MYO3A: variants seen among roughly 807,000 people sequenced by gnomAD.
The protein encoded by MYO3A is myosin-IIIa.
MYO3A carries 180 observed loss-of-function variants against 192.7 expected under a neutral mutation model. The observed-to-expected ratio is 0.93, with a 90% CI of 0.83 to 1.06. The LOEUF (loss-of-function observed/expected upper bound fraction) is 1.06. MYO3A is among the 50% of genes least tolerant of loss of function. MYO3A has a pLI of 0.00. For missense variants in MYO3A, 1,896 were observed against 1,905.0 expected (o/e 1.00, Z 0.09); for synonymous variants, 628 against 645.3 (o/e 0.97, Z 0.41).
intron 2 of MYO3A, among the ~76,000 whole-genome samples, chr10:25,940,859 G>A (rs750593068): frequency 1.1e-4 from 16 of 152,068 alleles, no homozygotes; most frequent in Non-Finnish European, 2.1e-4. Flanking sequence ...TACTGTCTTT[G>A]ATGATGCTGT....
In MYO3A at chr10:26,055,157, C is replaced by A. The variant is rs555002682; in HGVS notation, c.954-11818C>A. 2.0e-4 allele frequency among the ~76,000 whole-genome samples: 30 copies of A among 152,244 alleles called. No individual in the cohort carries two copies. The East Asian group carries it at 4.1e-3, about 21-fold the overall frequency. ...CTTGGCTTTTGGAAACCACTTCTTC[C>A]GCTTGCAGCTTCTGGCCAAGGGTAG... is the stretch of plus-strand genomic sequence containing the variant. On this transcript the variant is annotated intron_variant, in intron 10 of 34. Coordinates refer to ENST00000642920, the MANE Select transcript of MYO3A (RefSeq NM_017433.5).
intron 34 of MYO3A, among the ~76,000 whole-genome samples, chr10:26,209,642 C>G (rs987097947): frequency 6.6e-6 from 1 of 152,200 alleles, no homozygotes; most frequent in Non-Finnish European, 1.5e-5. Context: ...CACTGGCCTT[C>G]AGGACAGCAC....
rs370026628 is a variant in MYO3A at position 26,096,082 on chromosome 10, T to G, written c.1563-299T>G. Among the ~76,000 whole-genome samples the G allele has an allele frequency of 1.7e-3, 255 of 152,318 alleles. 1 individual carries two copies. Among genetic ancestry groups the G allele is most frequent in the African/African-American group, 5.9e-3 (247 of 41,570 alleles). ...CCACTGGCATGTAAACTCCAAGAAG[T>G]TAGGGATTTTTGACAGTTTTGCTCC... On this transcript the variant is annotated intron_variant, in intron 15 of 34. Transcript: ENST00000642920.
At chr10:26,202,188 A>C (rs1236876835) in intron 33 of MYO3A, among the ~76,000 whole-genome samples, 1 of 152,248 alleles carries the variant, frequency 6.6e-6, no homozygotes, top group Non-Finnish European at 1.5e-5. Flanking sequence ...GCTAAGAACA[A>C]ACAAGAGCGT....
chr10:26,075,726 GATATATATGTCTCTCATATATATGAT>G (rs1267838965), intron 14 of MYO3A, among the ~76,000 whole-genome samples: 3 of 128,760 alleles, frequency 2.3e-5, no homozygotes, highest in Admixed American at 7.9e-5. Context: ...ATATATATAT[GATATATATGTCTCTCATATATATGAT>G]ATATATATGT....
chr10:25,950,363 C>T (rs1247525151), intron 2 of MYO3A, among the ~76,000 whole-genome samples: 1 of 152,000 alleles, frequency 6.6e-6, no homozygotes, highest in African/African-American at 2.4e-5. Flanking sequence ...AGAAGGTAAA[C>T]AGCAAAGAGG....
intron 17 of MYO3A, among the ~76,000 whole-genome samples, chr10:26,109,724 G>A (rs1838043230): frequency 6.6e-6 from 1 of 152,122 alleles, no homozygotes; most frequent in African/African-American, 2.4e-5. Context: ...CCTTAACCAA[G>A]AGAAATTCAG....
chr10:26,052,739 T>TTG (rs1394037297), intron 10 of MYO3A, among the ~76,000 whole-genome samples: 2 of 152,224 alleles, frequency 1.3e-5, no homozygotes, highest in Non-Finnish European at 2.9e-5. Context: ...CAAGAGTATT[T>TTG]TAAAGCAAAG....
intron 20 of MYO3A, among the ~76,000 whole-genome samples, chr10:26,130,391 A>T (rs1385854090): frequency 6.6e-6 from 1 of 152,224 alleles, no homozygotes; most frequent in African/African-American, 2.4e-5. Flanking sequence ...GATTACAGGC[A>T]TGAGCCACCA....
intron 4 of MYO3A, among the ~76,000 whole-genome samples, chr10:25,987,684 A>G (rs921389616): frequency 3.9e-5 from 6 of 152,232 alleles, no homozygotes; most frequent in Middle Eastern, 3.2e-3. Context: ...AAGAATGGCC[A>G]TAATCAAAAA....
chr10:25,962,125 TC>T (rs1837971947), intron 4 of MYO3A, among the ~76,000 whole-genome samples: 1 of 152,172 alleles, frequency 6.6e-6, no homozygotes, highest in Non-Finnish European at 1.5e-5. Context: ...TATATTTCAA[TC>T]CAGAGTTGAA....
intron 2 of MYO3A, among the ~76,000 whole-genome samples, chr10:25,951,746 G>A (rs912650519): frequency 1.3e-5 from 2 of 151,904 alleles, no homozygotes; most frequent in Non-Finnish European, 2.9e-5. Context: ...TCTTCTCTAA[G>A]GTTCATTCTA....
intron 23 of MYO3A, among the ~76,000 whole-genome samples, chr10:26,152,558 C>T (rs546047961): frequency 5.3e-5 from 8 of 152,170 alleles, no homozygotes; most frequent in Non-Finnish European, 8.8e-5. Flanking sequence ...TTGCAGCTCA[C>T]GTCTTTAGTT....
intron 4 of MYO3A, among the ~76,000 whole-genome samples, chr10:25,978,110 T>C (rs1185119258): frequency 1.3e-5 from 2 of 152,182 alleles, no homozygotes; most frequent in Non-Finnish European, 2.9e-5. Context: ...ATAAGTAAAA[T>C]TTGAATATCT....
chr10:25,968,641 GT>G (rs780132612), intron 4 of MYO3A, among the ~76,000 whole-genome samples: 79 of 152,224 alleles, frequency 5.2e-4, no homozygotes, highest in Non-Finnish European at 1.0e-3. Context: ...AGTACAAGCA[GT>G]TTACCCTTAT....
intron 10 of MYO3A, among the ~76,000 whole-genome samples, chr10:26,029,789 G>T (rs2131140791): frequency 6.6e-6 from 1 of 152,142 alleles, no homozygotes; most frequent in Admixed American, 6.5e-5. Context: ...CCTGATTATT[G>T]AGTTCATTTG....
chr10:25,941,257 C>T (rs1189868550), intron 2 of MYO3A, among the ~76,000 whole-genome samples: 1 of 152,188 alleles, frequency 6.6e-6, no homozygotes, highest in Non-Finnish European at 1.5e-5. Context: ...AGAACCCTGA[C>T]AGTTTCTGTC....
chr10:26,032,434 G>C (rs992194115), intron 10 of MYO3A, among the ~76,000 whole-genome samples: 3 of 152,150 alleles, frequency 2.0e-5, no homozygotes, highest in Non-Finnish European at 2.9e-5. Flanking sequence ...GGCCAACATA[G>C]TGAAACCCCG....
chr10:26,085,010 A>C (rs1168709597), intron 14 of MYO3A, among the ~76,000 whole-genome samples: 1 of 152,112 alleles, frequency 6.6e-6, no homozygotes, highest in East Asian at 1.9e-4. Flanking sequence ...TATTTTTCTA[A>C]GAATTTATCT....
Sources: gnomAD v4.1 joint callset for allele counts (sites outside exome capture counted in the v4.1 genomes callset) on GRCh38, gnomAD v4.1.1 for gene constraint, MANE v1.5 for transcripts, NCBI Gene and HGNC (gene_info 2026-07-23, HGNC 2026-07-21) for gene names.